The following PCSK7 variants were observed in gnomAD, a reference collection of about 807,000 sequenced individuals.
PCSK7 encodes lymphoma proprotein convertase.
PCSK7 carries 38 observed loss-of-function variants against 73.3 expected under a neutral mutation model. That is an observed-to-expected ratio of 0.52 (90% CI 0.40 to 0.68). PCSK7 has a LOEUF of 0.68. PCSK7 is among the 30% of genes least tolerant of loss of function. The pLI is 0.00. For missense variants in PCSK7, 692 were observed against 991.5 expected (o/e 0.70, Z 4.06); for synonymous variants, 296 against 383.8 (o/e 0.77, Z 2.68).
In PCSK7 at chr11:117,215,380, G is replaced by GTGTGTGTGTGTATATATA. The variant is rs1164738557; in HGVS notation, c.1534+3085_1534+3086insTATATATACACACACACA. The GTGTGTGTGTGTATATATA allele has an allele frequency of 5.4e-5, 3 of 55,902 alleles. 1 individual carries two copies. The East Asian group carries it at 2.9e-3, about 54-fold the overall frequency. 3.5% of individuals were successfully genotyped at this position (55,902 alleles called of 1,614,324 possible). A position where few individuals can be genotyped will look rare whatever the true frequency, so the allele number is the denominator to read the frequency against. ...CTGGCTAATTTGTGTGTGTGTGTGT[G>GTGTGTGTGTGTATATATA]TATATATATATATATATATATATAT... On this transcript the variant is annotated intron_variant, in intron 12 of 16. Coordinates refer to ENST00000320934, the MANE Select transcript of PCSK7 (RefSeq NM_004716.4).
Position 117,224,624 on chromosome 11 carries a change from G to A in PCSK7, c.915+77C>T, listed in dbSNP as rs150826501. On this transcript the variant is annotated intron_variant, in intron 7 of 16. Transcript: ENST00000320934. ...GCGTGGAGGTGGAGTGGGAAGATGG[G>A]TCAACTTGCAGCAGTTCTCCCGGGA... is the stretch of plus-strand genomic sequence containing the variant. 4.4e-4 allele frequency: 521 copies of A among 1,188,238 alleles called. 9 individuals carry two copies. In the East Asian group the frequency reaches 0.012, roughly 27 times the overall value. The allele number at this position is 1,188,238 out of a possible 1,614,324, so 73.6% of individuals were successfully genotyped here.
chr11:117,210,360 CTTTTTTTTT>C, intron 12 of PCSK7: 1 of 134,006 alleles, frequency 7.5e-6, no homozygotes, highest in East Asian at 2.1e-4. Flanking sequence ...GAGAACGATT[CTTTTTTTTT>C]TTTTTTTTGA....
chr11:117,218,816 G>A lies in PCSK7; in HGVS notation c.1431+241C>T, dbSNP rs923379635. The A allele has an allele frequency of 3.5e-5, 20 of 573,896 alleles. No individual in the cohort carries two copies. Among genetic ancestry groups the A allele is most frequent in the Middle Eastern group, 3.5e-4 (1 of 2,884 alleles). The allele number at this position is 573,896 out of a possible 1,614,324, so 35.6% of individuals were successfully genotyped here. On this transcript the variant is annotated intron_variant, in intron 11 of 16. Transcript: ENST00000320934. The surrounding 1 kb of genome is among the most constrained non-coding windows in gnomAD (Gnocchi z 4.0). ...GAGGAGGGGAACCAGAGCATCCTGA[G>A]TCCCACACATACTCAGGTCCCATTT...
intron 12 of PCSK7, chr11:117,216,449 T>C (rs1270121969): frequency 1.3e-5 from 2 of 149,996 alleles, no homozygotes; most frequent in Admixed American, 1.3e-4. Context: ...TTTTTTTTTT[T>C]TTTTTTTGAG....
Position 117,228,274 on chromosome 11 carries a change from G to A in PCSK7, c.545C>T (p.Thr182Met), listed in dbSNP as rs150784623. 37 of 1,613,586 alleles carry A rather than the reference G, an allele frequency of 2.3e-5. No homozygotes were observed. Among genetic ancestry groups the A allele is most frequent in the South Asian group, 1.1e-4 (10 of 91,000 alleles). The change falls in exon 4 of 17, where the codon ACG becomes ATG. Residue 182 changes from threonine (T) to methionine (M), a missense_variant. This residue lies in a region of PCSK7 where 574 missense variants were observed against 689.8 expected (regional missense o/e 0.83). Transcript: ENST00000320934. The stretch of plus-strand genomic sequence containing the variant: ...CACTCCGTCATCCACTACCACCACC[G>A]TCACCCCTCGCCCAGTCACATTGCG... ...WERNVTGRGVTVVVVDDGVEH... is the reference protein window; with the variant it reads ...WERNVTGRGVMVVVVDDGVEH...
intron 13 of PCSK7, 98 bp downstream of exon 13, chr11:117,208,799 G>C: frequency 8.3e-7 from 1 of 1,197,828 alleles, no homozygotes. Context: ...CAGTGCCACA[G>C]TAGTTTAGGA....
chr11:117,215,364 T>TTTTTTTGTGTGTGTGTGTGTG (rs57433360), intron 12 of PCSK7: 3 of 84,920 alleles, frequency 3.5e-5, no homozygotes, highest in African/African-American at 2.3e-4. Flanking sequence ...CCTGGCTAAT[T>TTTTTTTGTGTGTGTGTGTGTG]TGTGTGTGTG....
rs781543259 is a variant in PCSK7, at chr11:117,206,109, G to A, written c.2246C>T (p.Ala749Val). 1.2e-5 allele frequency: 19 copies of A among 1,591,532 alleles called. No homozygotes were observed. The highest frequency in any genetic ancestry group is 1.5e-5 in the Non-Finnish European group (17 of 1,164,142). ...GTCCCCTTGCTCCAGCAGGTCTGGGGCAAGGAGGTCAGAGGTGGTGGGAGG... is the reference window on the plus strand; with the variant it reads ...GTCCCCTTGCTCCAGCAGGTCTGGGACAAGGAGGTCAGAGGTGGTGGGAGG... ...RGPPTTSDLL[A>V]PDLLEQGDWS... is the part of the protein sequence containing the mutation. The change falls in exon 17 of 17, where the codon GCC becomes GTC. Residue 749 changes from alanine to valine, a missense_variant. Ala to Val is a moderately conservative substitution (Grantham distance 64). Coordinates refer to ENST00000320934, the MANE Select transcript of PCSK7 (RefSeq NM_004716.4).
In PCSK7 at chr11:117,229,399, T is replaced by A. The variant is rs753032594; in HGVS notation, c.446A>T (p.Lys149Met). Reference protein sequence around the residue: ...AKRSVHFNDPKYPQQWHLNNR... With the variant: ...AKRSVHFNDPMYPQQWHLNNR... ...CACCAGGTGCCATTGCTGCGGGTAC[T>A]TGGGGTCGTTGAAGTGGACGCTGCG... Residue 149 changes from lysine to methionine, a missense_variant, in exon 3 of 17, where the codon AAG (lysine) becomes ATG (methionine). Around this residue, in one of 6 missense-constraint regions of PCSK7, gnomAD observed 574 missense variants for 689.8 expected, o/e 0.83. Coordinates refer to ENST00000320934, the MANE Select transcript of PCSK7 (RefSeq NM_004716.4). 1 of 1,607,364 alleles carries A rather than the reference T, an allele frequency of 6.2e-7. No individual in the cohort carries two copies. Among genetic ancestry groups the A allele is most frequent in the Non-Finnish European group, 8.5e-7 (1 of 1,179,868 alleles).
chr11:117,211,975 G>A (rs61906485), intron 12 of PCSK7: 1 of 152,218 alleles, frequency 6.6e-6, no homozygotes, highest in Admixed American at 6.5e-5. Flanking sequence ...GGCTACATAT[G>A]TATCAGATAT....
At chr11:117,226,553 G>C (rs61257906) in intron 5 of PCSK7, 1 of 159,550 alleles carries the variant, frequency 6.3e-6, no homozygotes, top group Admixed American at 6.0e-5. Flanking sequence ...CAGTGCTGTG[G>C]CACTTTCAGA....
At chr11:117,225,836 C>T in intron 6 of PCSK7, 95 bp downstream of exon 6, 1 of 775,840 alleles carries the variant, frequency 1.3e-6, no homozygotes, top group South Asian at 1.4e-5. Context: ...GAGACCCCTG[C>T]TCCGGCCTAA....
chr11:117,210,845 A>T (rs192975679), intron 12 of PCSK7: 10 of 152,236 alleles, frequency 6.6e-5, no homozygotes, highest in African/African-American at 2.4e-4. Flanking sequence ...TGAGGGTGGG[A>T]GGATGGCTTG....
chr11:117,219,828 A>C, intron 9 of PCSK7, 70 bp from the exon 10 acceptor site: 1 of 1,265,512 alleles, frequency 7.9e-7, no homozygotes, highest in Non-Finnish European at 1.1e-6. Context: ...GTGTGCACCT[A>C]TAGTCCCGGC....
chr11:117,219,331 A>G (rs1194110675), intron 10 of PCSK7, 167 bp from the exon 11 acceptor site: 2 of 644,134 alleles, frequency 3.1e-6, no homozygotes, highest in African/African-American at 3.6e-5. Context: ...GTCAAAGCCC[A>G]TGATGTCACC....
chr11:117,218,370 G>C lies in PCSK7; in HGVS notation c.1534+96C>G, dbSNP rs150040761. The C allele has an allele frequency of 1.6e-4, 103 of 636,838 alleles. No individual in the cohort carries two copies. The highest frequency in any genetic ancestry group is 1.3e-3 in the African/African-American group (70 of 53,264). The allele number at this position is 636,838 out of a possible 1,614,324, so 39.4% of individuals were successfully genotyped here. A position where few individuals can be genotyped will look rare whatever the true frequency, so the allele number is the denominator to read the frequency against. ...TTTGGCTGGAGCTCAGCTCCGAAAG[G>C]GGGTAGAATCTGGCAGGGAGGACGA... On this transcript the variant is annotated intron_variant, in intron 12 of 16. Coordinates refer to ENST00000320934, the MANE Select transcript of PCSK7 (RefSeq NM_004716.4). This position sits in a 1 kb window ranked among gnomAD's most constrained non-coding sequence, Gnocchi z 4.0.
At chr11:117,209,641 T>G (rs1161153119) in intron 12 of PCSK7, 1 of 153,842 alleles carries the variant, frequency 6.5e-6, no homozygotes, top group African/African-American at 2.4e-5. Flanking sequence ...AAAATGCTGG[T>G]GGATAAATTT....
rs2032569287 is a variant in PCSK7 at position 117,229,699 on chromosome 11, G to A, written c.146C>T (p.Thr49Ile). The change falls in exon 3 of 17, where the codon ACA becomes ATA. Residue 49 changes from threonine to isoleucine, a missense_variant. By Grantham distance (89) the Thr-to-Ile change is moderately conservative (BLOSUM62 -1). Transcript: ENST00000320934. ...AGTGGPDGQG[T>I]GGPSWAVHLE... is the part of the protein sequence containing the mutation. ...GTGCACAGCCCAGCTCGGCCCCCCTGTGCCCTGGCCATCAGGCCCACCTGT... is the reference window on the plus strand; with the variant it reads ...GTGCACAGCCCAGCTCGGCCCCCCTATGCCCTGGCCATCAGGCCCACCTGT... The A allele has an allele frequency of 6.2e-7, 1 of 1,613,706 alleles. No individual in the cohort carries two copies. Among genetic ancestry groups the A allele is most frequent in the Non-Finnish European group, 8.5e-7 (1 of 1,179,792 alleles).
At position 117,206,973 on chromosome 11, in the gene PCSK7, G is replaced by C. The variant is rs1369608584; in HGVS notation, c.1880+94C>G. On this transcript the variant is annotated intron_variant, in intron 15 of 16. Coordinates refer to ENST00000320934, the MANE Select transcript of PCSK7 (RefSeq NM_004716.4). ...CATCTACCGGCTTGACGCTGGAACTGGGAAGCACAGCTGGGGTTCAGAGGG... is the reference window on the plus strand; with the variant it reads ...CATCTACCGGCTTGACGCTGGAACTCGGAAGCACAGCTGGGGTTCAGAGGG... 4.2e-6 allele frequency: 6 copies of C among 1,437,786 alleles called. 1 individual carries two copies. In the South Asian group the frequency reaches 5.9e-5, roughly 14 times the overall value. 89.1% of individuals were successfully genotyped at this position (1,437,786 alleles called of 1,614,324 possible).
Sources: allele counts gnomAD v4.1 joint callset, GRCh38; gene constraint gnomAD v4.1.1; regional missense constraint gnomAD v4.1.1; non-coding constraint Gnocchi (gnomAD v3.1); transcripts MANE v1.5; gene names NCBI Gene and HGNC (gene_info 2026-07-23, HGNC 2026-07-21).